COL11A1: variants seen among roughly 807,000 people sequenced by gnomAD.
The protein encoded by COL11A1 is collagen alpha-1(XI) chain.
A neutral mutation model predicts 265.2 loss-of-function variants in COL11A1; 74 were observed. The observed-to-expected ratio is 0.28, with a 90% CI of 0.23 to 0.34. The LOEUF is 0.34. Among genes scored for constraint, COL11A1 ranks in the 10% least tolerant of loss-of-function variants. COL11A1 has a pLI of 1.00. For synonymous variants in COL11A1, 816 were observed against 727.6 expected, an observed-to-expected ratio of 1.12 and a Z score of -1.96; for missense variants, 2,165 against 2,263.6, an observed-to-expected ratio of 0.96 and a Z score of 0.88.
chr1:103,001,714 TA>T lies in COL11A1; in HGVS notation c.2142+210del, dbSNP rs530916602. 97 of 600,832 alleles carry T rather than the reference TA, an allele frequency of 1.6e-4. No individual in the cohort carries two copies. In the East Asian group the frequency reaches 2.7e-3, roughly 17 times the overall value. The allele number at this position is 600,832 out of a possible 1,614,324, so 37.2% of individuals were successfully genotyped here. ...GAGAATGCCACATTTGGAAGCTGTTTAAATGGTAACTGAAGTTTTATCATTC... is the reference window on the plus strand; with the variant it reads ...GAGAATGCCACATTTGGAAGCTGTTTAATGGTAACTGAAGTTTTATCATTC... On this transcript the variant is annotated intron_variant, in intron 24 of 66. Transcript: ENST00000370096.
At position 102,915,623 on chromosome 1, in the gene COL11A1, G is replaced by A. The variant is rs771772690; in HGVS notation, c.3816+8C>T. On this transcript the variant is annotated splice_region_variant and intron_variant, in intron 50 of 66. Coordinates refer to ENST00000370096, the MANE Select transcript of COL11A1 (RefSeq NM_001854.4). ...AATACACTATGTTAACAATAACACA[G>A]TACTTACGCCTACACCTGCTTCCCC... 5.6e-6 allele frequency: 9 copies of A among 1,611,374 alleles called. No individual in the cohort carries two copies. The South Asian group carries it at 7.7e-5, about 14-fold the overall frequency.
At chr1:103,001,901 T>G in intron 24 of COL11A1, 24 bp downstream of exon 24, 1 of 1,610,700 alleles carries the variant, frequency 6.2e-7, no homozygotes, top group Non-Finnish European at 8.5e-7. Context: ...CACCAGGCTT[T>G]ACGAGAACAA....
intron 41 of COL11A1, among the ~76,000 whole-genome samples, chr1:102,960,945 A>C (rs1660849902): frequency 6.6e-6 from 1 of 152,178 alleles, no homozygotes; most frequent in South Asian, 2.1e-4. Context: ...AAAAGATAAG[A>C]TGTTATTAGT....
chr1:103,007,984 T>A (rs1202938823), intron 15 of COL11A1, among the ~76,000 whole-genome samples: 1 of 152,138 alleles, frequency 6.6e-6, no homozygotes, highest in African/African-American at 2.4e-5. Flanking sequence ...AGTACAAATT[T>A]TTTTTTAGTT....
In COL11A1 at chr1:102,912,189, C is replaced by A. The variant is rs1306769069; in HGVS notation, c.4056G>T (p.Glu1352Asp). The stretch of plus-strand genomic sequence containing the variant: ...TTCCAGGAGGACCTGGTGGGCCAGC[C>A]TCACCAGATGGGCCAGGAGGACCCT... ...GQPGPPGPSG[E>D]AGPPGPPGKR... Residue 1352 changes from glutamate to aspartate, a missense_variant, in exon 54 of 67, where the codon GAG becomes GAT. Glu to Asp is a conservative substitution (Grantham distance 45). Coordinates refer to ENST00000370096, the MANE Select transcript of COL11A1 (RefSeq NM_001854.4). 2.5e-6 allele frequency: 4 copies of A among 1,611,634 alleles called. No homozygotes were observed. Among genetic ancestry groups the A allele is most frequent in the Non-Finnish European group, 3.4e-6 (4 of 1,179,032 alleles).
intron 44 of COL11A1, among the ~76,000 whole-genome samples, chr1:102,936,423 G>C (rs1658151922): frequency 6.6e-6 from 1 of 152,056 alleles, no homozygotes; most frequent in African/African-American, 2.4e-5. Flanking sequence ...TAAATAATAA[G>C]TGTGATTATA....
intron 39 of COL11A1, 138 bp from the exon 40 acceptor site, chr1:102,962,403 T>C: frequency 1.3e-6 from 1 of 785,410 alleles, no homozygotes; most frequent in Non-Finnish European, 2.2e-6. Context: ...TGGAATGCCA[T>C]ATGCATTAAA....
chr1:102,955,741 CATGAT>C (rs1477201432), intron 41 of COL11A1, among the ~76,000 whole-genome samples: 1 of 152,052 alleles, frequency 6.6e-6, no homozygotes, highest in Non-Finnish European at 1.5e-5. Context: ...GAATTTGTTG[CATGAT>C]ATATTTACAT....
intron 24 of COL11A1, chr1:103,001,575 T>C (rs1665110859): frequency 2.2e-6 from 1 of 460,116 alleles, no homozygotes; most frequent in Non-Finnish European, 3.8e-6. Flanking sequence ...CTACAAATCT[T>C]TTGTCACAAG....
At chr1:103,043,898 A>G (rs1669036026) in intron 4 of COL11A1, among the ~76,000 whole-genome samples, 1 of 152,116 alleles carries the variant, frequency 6.6e-6, no homozygotes, top group African/African-American at 2.4e-5. Context: ...GTGCCAGTGT[A>G]AAATAAATAG....
intron 36 of COL11A1, among the ~76,000 whole-genome samples, chr1:102,972,622 G>A (rs1011668780): frequency 2.7e-4 from 41 of 152,098 alleles, no homozygotes; most frequent in African/African-American, 9.9e-4. Context: ...CGGTATCTAT[G>A]TAAAAGTAAT....
chr1:102,898,166 G>A lies in COL11A1; in HGVS notation c.4261C>T (p.Leu1421Phe). Reference sequence around the variant, plus strand: ...CCATCTTGGCCTGCAGCTCCAGGGAGACCTTGTTCTCCCTAGAGAAAATAA... The same window carrying A: ...CCATCTTGGCCTGCAGCTCCAGGGAAACCTTGTTCTCCCTAGAGAAAATAA... ...GIPGPVGEQG[L>F]PGAAGQDGPP... Residue 1421 changes from leucine to phenylalanine, a missense_variant, in exon 57 of 67, where the codon CTC becomes TTC. Transcript: ENST00000370096. 1.4e-6 allele frequency: 2 copies of A among 1,452,936 alleles called. No homozygotes were observed. Among genetic ancestry groups the A allele is most frequent in the Non-Finnish European group, 9.2e-7 (1 of 1,090,912 alleles). The allele number at this position is 1,452,936 out of a possible 1,614,324, so 90.0% of individuals were successfully genotyped here.
Position 102,898,760 on chromosome 1 carries a change from G to T in COL11A1, c.4154C>A (p.Ala1385Glu), listed in dbSNP as rs1306734276. The change falls in exon 56 of 67, where the codon GCA becomes GAA. Residue 1385 changes from alanine to glutamate, a missense_variant. Transcript: ENST00000370096. ...GCCGGTTTTTCCAGGAGGACCTTCT[G>T]CACCTGCTTCCCCCTGTTAGAAAGT... The part of the protein sequence containing the change: ...GEKGAKGEAG[A>E]EGPPGKTGPV... The T allele has an allele frequency of 6.2e-7, 1 of 1,612,890 alleles. No individual in the cohort carries two copies. Among genetic ancestry groups the T allele is most frequent in the African/African-American group, 1.3e-5 (1 of 74,796 alleles).
At chr1:102,933,671 G>C (rs372926329) in intron 46 of COL11A1, among the ~76,000 whole-genome samples, 3 of 152,228 alleles carry the variant, frequency 2.0e-5, no homozygotes, top group Non-Finnish European at 4.4e-5. Flanking sequence ...GGGCAATGGC[G>C]GGCGCCCCTC....
At chr1:102,921,667 C>A in intron 47 of COL11A1, 96 bp from the exon 48 acceptor site, 3 of 1,023,582 alleles carry the variant, frequency 2.9e-6, no homozygotes, top group East Asian at 2.4e-5. Context: ...GAAGTTTAAG[C>A]TTGTAAAAAC....
At chr1:102,976,442 G>A (rs1192252349) in intron 35 of COL11A1, among the ~76,000 whole-genome samples, 1 of 151,674 alleles carries the variant, frequency 6.6e-6, no homozygotes, top group Admixed American at 6.6e-5. Context: ...GGGATTACAG[G>A]CACCCACCAC....
At chr1:103,003,790 A>T (rs1665347920) in intron 20 of COL11A1, among the ~76,000 whole-genome samples, 1 of 152,060 alleles carries the variant, frequency 6.6e-6, no homozygotes, top group Non-Finnish European at 1.5e-5. Flanking sequence ...TTCACACTTG[A>T]TTTCTCCTTC....
In COL11A1 at chr1:103,031,225, A is replaced by G; in HGVS notation, c.671T>C (p.Leu224Ser). The change falls in exon 5 of 67, where the codon TTG (leucine) becomes TCG (serine). Residue 224 changes from leucine (L) to serine (S), a missense_variant. Transcript: ENST00000370096. ...TGCTGCCTTGGGATCACCTGTGATC[A>G]AAAACTGCTGAATGTCCCCCTGGGA... ...EVFEGDIQQF[L>S]ITGDPKAAYD... 2 of 1,594,892 alleles carry G rather than the reference A, an allele frequency of 1.3e-6. No homozygotes were observed. The highest frequency in any genetic ancestry group is 1.7e-6 in the Non-Finnish European group (2 of 1,175,508).
At chr1:102,979,004 T>C (rs1227595140) in intron 33 of COL11A1, 56 bp downstream of exon 33, 2 of 1,608,534 alleles carry the variant, frequency 1.2e-6, no homozygotes, top group Non-Finnish European at 1.7e-6. Flanking sequence ...ATAAATTATC[T>C]TGATACACTA....
Sources: allele counts gnomAD v4.1 joint callset (sites outside exome capture counted in the v4.1 genomes callset), GRCh38; gene constraint gnomAD v4.1.1; transcripts MANE v1.5; gene names NCBI Gene and HGNC (gene_info 2026-07-23, HGNC 2026-07-21).